The following SORCS2 variants were observed in gnomAD, a reference collection of about 807,000 sequenced individuals.
SORCS2 encodes the protein VPS10 domain-containing receptor SorCS2.
Under a neutral mutation model 141.6 loss-of-function variants are expected in SORCS2, and 100 were observed. The observed-to-expected ratio is 0.71, with a 90% CI of 0.60 to 0.83. The LOEUF (loss-of-function observed/expected upper bound fraction) is 0.83. Ranked by LOEUF, SORCS2 falls within the 40% of genes least tolerant of loss-of-function variation. The pLI is 0.00. For missense variants in SORCS2, 1,646 were observed against 1,560.2 expected, an observed-to-expected ratio of 1.05 and a Z score of -0.93; for synonymous variants, 789 against 676.9, an observed-to-expected ratio of 1.17 and a Z score of -2.57.
chr4:7,204,753 G>A (rs933530588), intron 1 of SORCS2, among the ~76,000 whole-genome samples: 1 of 152,202 alleles, frequency 6.6e-6, no homozygotes, highest in African/African-American at 2.4e-5. Flanking sequence ...TCTGAATTCT[G>A]CCACTTGTGA....
At chr4:7,225,811 G>A (rs1360581071) in intron 1 of SORCS2, among the ~76,000 whole-genome samples, 1 of 152,162 alleles carries the variant, frequency 6.6e-6, no homozygotes, top group East Asian at 1.9e-4. Context: ...CTTCCAGCGT[G>A]GTGTCCGTAC....
At chr4:7,434,409 G>T (rs1425949055) in intron 2 of SORCS2, 1 of 1,608,204 alleles carries the variant, frequency 6.2e-7, no homozygotes, top group Non-Finnish European at 8.5e-7. Flanking sequence ...CCTCAAAGGT[G>T]TCCTCTTTGG....
At chr4:7,628,461 G>T (rs1349047680) in intron 3 of SORCS2, among the ~76,000 whole-genome samples, 18 of 151,466 alleles carry the variant, frequency 1.2e-4, no homozygotes, top group African/African-American at 4.4e-4. Flanking sequence ...GGAGCTTGCA[G>T]TGAGCTGAGA....
intron 1 of SORCS2, among the ~76,000 whole-genome samples, chr4:7,228,642 T>A (rs1381480511): frequency 1.3e-5 from 2 of 152,108 alleles, no homozygotes; most frequent in African/African-American, 4.8e-5. Flanking sequence ...CAGGTCCAGC[T>A]GTGGGAGCTG....
intron 2 of SORCS2, among the ~76,000 whole-genome samples, chr4:7,459,826 T>G (rs201529730): frequency 2.0e-5 from 3 of 152,174 alleles, no homozygotes; most frequent in Non-Finnish European, 2.9e-5. Flanking sequence ...CTGGTCACAT[T>G]GAGGGCATTA....
chr4:7,494,061 A>G (rs923595234), intron 2 of SORCS2, among the ~76,000 whole-genome samples: 1 of 144,854 alleles, frequency 6.9e-6, no homozygotes, highest in African/African-American at 2.7e-5. Context: ...TCACATGCTC[A>G]CACACACACT....
At chr4:7,637,008 CTGCCTG>C (rs1350127655) in intron 3 of SORCS2, among the ~76,000 whole-genome samples, 2 of 152,148 alleles carry the variant, frequency 1.3e-5, no homozygotes, top group African/African-American at 4.8e-5. Context: ...GTCTCTGCCT[CTGCCTG>C]TGTGTTGCCT....
chr4:7,235,268 G>A (rs1484526679), intron 1 of SORCS2, among the ~76,000 whole-genome samples: 1 of 152,220 alleles, frequency 6.6e-6, no homozygotes, highest in Non-Finnish European at 1.5e-5. Context: ...GCCCGCGCCA[G>A]GCTCAGCTGA....
At chr4:7,488,813 A>G (rs1731146746) in intron 2 of SORCS2, among the ~76,000 whole-genome samples, 1 of 152,198 alleles carries the variant, frequency 6.6e-6, no homozygotes, top group African/African-American at 2.4e-5. Context: ...CTTGGATGAG[A>G]TGAGATCCTT....
intron 3 of SORCS2, among the ~76,000 whole-genome samples, chr4:7,621,312 C>T (rs982657322): frequency 6.6e-6 from 1 of 152,104 alleles, no homozygotes. Context: ...ATGTGTGTGT[C>T]TGTGTATGTG....
chr4:7,394,409 G>A (rs546854922), intron 1 of SORCS2, among the ~76,000 whole-genome samples: 1 of 146,324 alleles, frequency 6.8e-6, no homozygotes, highest in Non-Finnish European at 1.6e-5. Flanking sequence ...AGGGTTGGAG[G>A]GGGGGTGTAT....
At chr4:7,239,665 G>C (rs1183987899) in intron 1 of SORCS2, among the ~76,000 whole-genome samples, 1 of 152,190 alleles carries the variant, frequency 6.6e-6, no homozygotes, top group African/African-American at 2.4e-5. Context: ...TCTCGCACTT[G>C]GCCCCCAGGA....
In SORCS2 at chr4:7,247,381, A is replaced by G. The variant is rs115895687; in HGVS notation, c.480+54255A>G. Among the ~76,000 whole-genome samples the G allele has an allele frequency of 5.8e-3, 876 of 152,032 alleles. 7 individuals carry two copies. The highest frequency in any genetic ancestry group is 0.02 in the African/African-American group (837 of 41,432). On this transcript the variant is annotated intron_variant, in intron 1 of 26. Coordinates refer to ENST00000507866, the MANE Select transcript of SORCS2 (RefSeq NM_020777.3). Reference sequence around the variant, plus strand: ...TCCATTATCTGGTTTTCAGTGGAATACTTAGAAGAGAAAATTATTGGAATG... The same window carrying G: ...TCCATTATCTGGTTTTCAGTGGAATGCTTAGAAGAGAAAATTATTGGAATG...
chr4:7,429,442 G>A (rs1726675977), intron 2 of SORCS2, among the ~76,000 whole-genome samples: 1 of 152,240 alleles, frequency 6.6e-6, no homozygotes, highest in African/African-American at 2.4e-5. Flanking sequence ...GCAGAGAGTG[G>A]TTAAGGTACT....
intron 11 of SORCS2, among the ~76,000 whole-genome samples, chr4:7,696,454 C>T (rs75664160): frequency 0.011 from 1,742 of 152,288 alleles, 34 homozygotes; most frequent in African/African-American, 0.04. Flanking sequence ...TTATGCACGG[C>T]CGTTGTTCTT....
intron 18 of SORCS2, among the ~76,000 whole-genome samples, chr4:7,718,698 C>T (rs913886140): frequency 6.6e-6 from 1 of 152,170 alleles, no homozygotes; most frequent in Non-Finnish European, 1.5e-5. Flanking sequence ...AATTTCCTCC[C>T]AGCCTCCCAG....
intron 23 of SORCS2, among the ~76,000 whole-genome samples, chr4:7,733,099 CCT>C (rs2148896963): frequency 6.7e-6 from 1 of 150,212 alleles, no homozygotes; most frequent in African/African-American, 2.4e-5. Context: ...GAGGACACCC[CCT>C]CACTCTCTCC....
At chr4:7,416,902 G>T (rs1417165199) in intron 2 of SORCS2, among the ~76,000 whole-genome samples, 2 of 151,664 alleles carry the variant, frequency 1.3e-5, no homozygotes, top group South Asian at 4.2e-4. Flanking sequence ...GCACACACAC[G>T]TGTGCAGACA....
chr4:7,731,324 A>C (rs1387529940), intron 23 of SORCS2, among the ~76,000 whole-genome samples: 1 of 152,208 alleles, frequency 6.6e-6, no homozygotes, highest in Non-Finnish European at 1.5e-5. Flanking sequence ...AGAAGACACA[A>C]ATCGACGGAA....
Sources: gnomAD v4.1 joint callset for allele counts (sites outside exome capture counted in the v4.1 genomes callset) on GRCh38, gnomAD v4.1.1 for gene constraint, MANE v1.5 for transcripts, NCBI Gene and HGNC (gene_info 2026-07-23, HGNC 2026-07-21) for gene names.